Variants in BCAS3 observed in about 807,000 individuals in gnomAD.
BCAS3 encodes BCAS4/BCAS3 fusion.
Under a neutral mutation model 116.1 loss-of-function variants are expected in BCAS3, and 53 were observed. The ratio of observed to expected loss-of-function variants is 0.46; its 90% CI spans 0.37 to 0.57. The LOEUF (loss-of-function observed/expected upper bound fraction) is 0.57, where lower values mean the gene tolerates loss of function less well. Among genes scored for constraint, BCAS3 ranks in the 20% least tolerant of loss-of-function variants. The pLI is 0.00. For missense variants in BCAS3, 917 were observed against 1,165.4 expected (o/e 0.79, Z 3.10); for synonymous variants, 391 against 408.2 (o/e 0.96, Z 0.51).
In BCAS3 at chr17:61,379,902, GGC is replaced by G. The variant is rs1376420978; in HGVS notation, c.2593+11409_2593+11410del. The G allele has an allele frequency of 2.0e-5, 3 of 152,954 alleles. No homozygotes were observed. Among genetic ancestry groups the G allele is most frequent in the Admixed American group, 6.5e-5 (1 of 15,352 alleles). 9.5% of individuals were successfully genotyped at this position (152,954 alleles called of 1,614,324 possible). A position where few individuals can be genotyped will look rare whatever the true frequency, so the allele number is the denominator to read the frequency against. On this transcript the variant is annotated intron_variant, in intron 23 of 23. Transcript: ENST00000407086. The surrounding 1 kb of genome is among the most constrained non-coding windows in gnomAD (Gnocchi z 5.5). Reference sequence around the variant, plus strand: ...TCATCTCCCAGCTCCAGTTGGCCAGGGCCAGCGTGCCATCTCCATGCTGGTGT... The same window carrying G: ...TCATCTCCCAGCTCCAGTTGGCCAGGCAGCGTGCCATCTCCATGCTGGTGT...
Position 61,301,178 on chromosome 17 carries a change from G to A in BCAS3, c.2426-67149G>A, listed in dbSNP as rs569088654. Among the ~76,000 whole-genome samples the A allele has an allele frequency of 1.4e-4, 22 of 152,308 alleles. No individual in the cohort carries two copies. In the South Asian group the frequency reaches 4.3e-3, roughly 30 times the overall value. The stretch of plus-strand genomic sequence containing the variant: ...TCGGAACATAGCCATGCTCACTCAT[G>A]TACATATTGTCCATACCTGCTTTCA... On this transcript the variant is annotated intron_variant, in intron 22 of 23. Coordinates refer to ENST00000407086, the MANE Select transcript of BCAS3 (RefSeq NM_017679.5).
intron 18 of BCAS3, 59 bp from the exon 19 acceptor site, chr17:61,040,732 TG>T: frequency 7.4e-7 from 1 of 1,352,672 alleles, no homozygotes; most frequent in African/African-American, 1.4e-5. Context: ...ATGACAGTCA[TG>T]GTGATTTACA....
intron 10 of BCAS3, among the ~76,000 whole-genome samples, chr17:60,896,096 C>A (rs1187032743): frequency 6.6e-6 from 1 of 152,158 alleles, no homozygotes; most frequent in Admixed American, 6.5e-5. Context: ...GAGGCCAAGG[C>A]GGGCCAATGA....
rs2052983296 is a variant in BCAS3 at position 60,850,345 on chromosome 17, G to GGT, written c.477-18231_477-18230insGT. 4.5e-4 allele frequency among the ~76,000 whole-genome samples: 17 copies of GGT among 37,732 alleles called. No homozygotes were observed. The East Asian group carries it at 5.7e-3, about 13-fold the overall frequency. The allele number at this position is 37,732 out of a possible 152,430, so 24.8% of individuals were successfully genotyped here. On this transcript the variant is annotated intron_variant, in intron 7 of 23. Coordinates refer to ENST00000407086, the MANE Select transcript of BCAS3 (RefSeq NM_017679.5). ...CCTCCCCCTAACTCCTGGCACCACT[G>GGT]TTTTTTTTTTTTTTTTTTTTTTTTT...
chr17:61,138,857 A>AT (rs1238987791), intron 22 of BCAS3, among the ~76,000 whole-genome samples: 1 of 152,048 alleles, frequency 6.6e-6, no homozygotes, highest in African/African-American at 2.4e-5. Flanking sequence ...GTCTTGGAAT[A>AT]TTTTTTTTCA....
In BCAS3 at chr17:60,995,948, G is replaced by A. The variant is rs571475763; in HGVS notation, c.1486+5713G>A. Among the ~76,000 whole-genome samples the A allele has an allele frequency of 6.6e-6, 1 of 152,300 alleles. No individual in the cohort carries two copies. The highest frequency in any genetic ancestry group is 6.5e-5 in the Admixed American group (1 of 15,304). On this transcript the variant is annotated intron_variant, in intron 15 of 23. Transcript: ENST00000407086. This position sits in a 1 kb window ranked among gnomAD's most constrained non-coding sequence, Gnocchi z 4.7. ...AGGCCTTGCTGAGATGATGACATCTGAGCAAAGATCTGGTGGAAGTAAGAG... is the reference window on the plus strand; with the variant it reads ...AGGCCTTGCTGAGATGATGACATCTAAGCAAAGATCTGGTGGAAGTAAGAG...
At position 61,023,995 on chromosome 17, in the gene BCAS3, A is replaced by G. The variant is rs571059344; in HGVS notation, c.1637+8094A>G. ...CCTCTGTTAATACAGAGAATATTTC[A>G]TTCAGTATACACTCCCACTCACATC... On this transcript the variant is annotated intron_variant, in intron 16 of 23. Coordinates refer to ENST00000407086, the MANE Select transcript of BCAS3 (RefSeq NM_017679.5). This position sits in a 1 kb window ranked among gnomAD's most constrained non-coding sequence, Gnocchi z 4.8. Among the ~76,000 whole-genome samples the G allele has an allele frequency of 1.3e-5, 2 of 152,188 alleles. No homozygotes were observed. Among genetic ancestry groups the G allele is most frequent in the South Asian group, 2.1e-4 (1 of 4,834 alleles).
intron 5 of BCAS3, among the ~76,000 whole-genome samples, chr17:60,728,021 C>T (rs1022125294): frequency 1.3e-5 from 2 of 152,002 alleles, no homozygotes; most frequent in African/African-American, 4.8e-5. Context: ...GTTACCCAGG[C>T]TGTTCTGGAA....
chr17:61,096,591 T>C (rs1243644250), intron 22 of BCAS3, among the ~76,000 whole-genome samples: 1 of 152,158 alleles, frequency 6.6e-6, no homozygotes, highest in Non-Finnish European at 1.5e-5. Flanking sequence ...CAGCAACTTT[T>C]CCAAATTCGT....
chr17:61,306,383 A>G (rs9902245), intron 22 of BCAS3, among the ~76,000 whole-genome samples: 145,154 of 152,264 alleles, frequency 0.95, 69,499 homozygotes, highest in East Asian at 1. Flanking sequence ...TAGCAGTTAG[A>G]GAATAGCACA....
chr17:60,948,016 A>G (rs1009214058), intron 14 of BCAS3, among the ~76,000 whole-genome samples: 1 of 152,200 alleles, frequency 6.6e-6, no homozygotes, highest in African/African-American at 2.4e-5. Context: ...ATATGTTCAT[A>G]TGCATGATTT....
At chr17:61,172,862 C>G (rs2078930154) in intron 22 of BCAS3, among the ~76,000 whole-genome samples, 1 of 151,708 alleles carries the variant, frequency 6.6e-6, no homozygotes, top group South Asian at 2.1e-4. Context: ...GCGGTGGGCA[C>G]CTGTAGTCCC....
At chr17:61,345,254 G>T (rs919646065) in intron 22 of BCAS3, among the ~76,000 whole-genome samples, 2 of 152,232 alleles carry the variant, frequency 1.3e-5, no homozygotes, top group Admixed American at 6.5e-5. Flanking sequence ...CTCCGCTTCC[G>T]CTATGCCTGA....
intron 7 of BCAS3, among the ~76,000 whole-genome samples, chr17:60,853,463 G>T (rs758920249): frequency 3.3e-5 from 5 of 152,126 alleles, no homozygotes; most frequent in Non-Finnish European, 7.4e-5. Context: ...CTGGTAATTT[G>T]ACTGAATTGA....
intron 3 of BCAS3, chr17:60,689,194 G>C (rs973726036): frequency 6.6e-6 from 1 of 152,128 alleles, no homozygotes; most frequent in Non-Finnish European, 1.5e-5. Context: ...TTTTGTGGGG[G>C]ACAGAGTCTT....
chr17:60,742,937 C>G (rs2041708128), intron 5 of BCAS3, among the ~76,000 whole-genome samples: 1 of 151,298 alleles, frequency 6.6e-6, no homozygotes, highest in Non-Finnish European at 1.5e-5. Flanking sequence ...CACAGTGAAA[C>G]CCCGTCTCTA....
chr17:61,204,676 T>A lies in BCAS3; in HGVS notation c.2425+120112T>A, dbSNP rs1167012606. Among the ~76,000 whole-genome samples, 1 of 152,160 alleles carries A rather than the reference T, an allele frequency of 6.6e-6. No individual in the cohort carries two copies. Among genetic ancestry groups the A allele is most frequent in the Non-Finnish European group, 1.5e-5 (1 of 68,036 alleles). On this transcript the variant is annotated intron_variant, in intron 22 of 23. Coordinates refer to ENST00000407086, the MANE Select transcript of BCAS3 (RefSeq NM_017679.5). This position sits in a 1 kb window ranked among gnomAD's most constrained non-coding sequence, Gnocchi z 4.2. The stretch of plus-strand genomic sequence containing the variant: ...GTTTTTCTTTAAATCTCATTCCCAT[T>A]AATTGCTCAGTCTTTACCTTGGCGG...
At chr17:60,979,874 G>A (rs917547141) in intron 14 of BCAS3, among the ~76,000 whole-genome samples, 1 of 151,920 alleles carries the variant, frequency 6.6e-6, no homozygotes, top group Non-Finnish European at 1.5e-5. Context: ...TAAGCTTTTT[G>A]ATGTGCTGCT....
intron 14 of BCAS3, among the ~76,000 whole-genome samples, chr17:60,988,360 T>TTTTTTTTTTTTTTTTTTTTTTTTG (rs1555651709): frequency 2.2e-5 from 3 of 134,820 alleles, no homozygotes; most frequent in African/African-American, 9.5e-5. Flanking sequence ...TTTTTTTTTT[T>TTTTTTTTTTTTTTTTTTTTTTTTG]ATGTATGTGT....
Sources: gnomAD v4.1 joint callset for allele counts (sites outside exome capture counted in the v4.1 genomes callset) on GRCh38, gnomAD v4.1.1 for gene constraint, Gnocchi (gnomAD v3.1) non-coding constraint, MANE v1.5 for transcripts, NCBI Gene and HGNC (gene_info 2026-07-23, HGNC 2026-07-21) for gene names.